The following ARHGAP26 variants were observed in gnomAD, a reference collection of about 807,000 sequenced individuals.
ARHGAP26 encodes rho GTPase-activating protein 26.
ARHGAP26 carries 38 observed loss-of-function variants against 104.8 expected under a neutral mutation model. The observed-to-expected ratio is 0.36, with a 90% CI of 0.28 to 0.48. The LOEUF is 0.48. Ranked by LOEUF, ARHGAP26 falls within the 20% of genes least tolerant of loss-of-function variation. The probability of loss-of-function intolerance (pLI) is 0.99; values close to 1 mark genes in which losing one functional copy is unlikely to be tolerated. For synonymous variants in ARHGAP26, 341 were observed against 340.0 expected (o/e 1.00, Z -0.03); for missense variants, 704 against 947.9 (o/e 0.74, Z 3.38).
chr5:142,815,334 C>T (rs549792275), intron 1 of ARHGAP26, among the ~76,000 whole-genome samples: 4 of 152,314 alleles, frequency 2.6e-5, no homozygotes, highest in South Asian at 4.1e-4. Flanking sequence ...AACCACCATG[C>T]CTGGCCAGAA....
rs1333826585 is a variant in ARHGAP26 at position 143,228,376 on chromosome 5, A to C, written c.*5930A>C. On this transcript the variant is annotated 3_prime_UTR_variant, in exon 23 of 23. Coordinates refer to ENST00000645722, the MANE Select transcript of ARHGAP26 (RefSeq NM_001135608.3). ...GGAGGTTGAGAATTAGAGACACAAG[A>C]GAGGCTGTGGATGGCCTATTAAAAT... 1 of 222,684 alleles carries C rather than the reference A, an allele frequency of 4.5e-6. No individual in the cohort carries two copies. The highest frequency in any genetic ancestry group is 2.2e-5 in the African/African-American group (1 of 44,774). The allele number at this position is 222,684 out of a possible 1,614,324, so 13.8% of individuals were successfully genotyped here.
intron 20 of ARHGAP26, chr5:143,170,652 A>G (rs1289198434): frequency 2.0e-5 from 3 of 152,248 alleles, no homozygotes; most frequent in Non-Finnish European, 2.9e-5. Context: ...TTTAATCAAC[A>G]TAATGCCGGA....
chr5:143,105,490 C>T (rs951417171), intron 17 of ARHGAP26, among the ~76,000 whole-genome samples: 1 of 152,076 alleles, frequency 6.6e-6, no homozygotes, highest in Non-Finnish European at 1.5e-5. Flanking sequence ...TCTGTCTTAA[C>T]GAAGATAGAA....
chr5:143,083,295 G>C (rs150649118), intron 17 of ARHGAP26, among the ~76,000 whole-genome samples: 3 of 152,078 alleles, frequency 2.0e-5, no homozygotes, highest in Non-Finnish European at 4.4e-5. Flanking sequence ...CGCAGTAACC[G>C]GCCTAATGAT....
chr5:142,884,653 A>G (rs1409918234), intron 4 of ARHGAP26, among the ~76,000 whole-genome samples: 6 of 152,228 alleles, frequency 3.9e-5, no homozygotes, highest in African/African-American at 1.4e-4. Flanking sequence ...AATTATGCCA[A>G]ACGCTATCCT....
chr5:142,986,206 G>C (rs1047195611), intron 11 of ARHGAP26, among the ~76,000 whole-genome samples: 8 of 152,120 alleles, frequency 5.3e-5, no homozygotes, highest in Admixed American at 2.6e-4. Context: ...ATTCTAACTG[G>C]TGTGAGATGG....
intron 17 of ARHGAP26, among the ~76,000 whole-genome samples, chr5:143,115,311 C>T (rs1471830097): frequency 2.6e-5 from 4 of 151,132 alleles, no homozygotes; most frequent in Non-Finnish European, 4.4e-5. Flanking sequence ...CCAGCCTGCA[C>T]GACAAGAGTG....
chr5:143,179,867 A>G (rs547675768), intron 20 of ARHGAP26, among the ~76,000 whole-genome samples: 1 of 152,108 alleles, frequency 6.6e-6, no homozygotes. Flanking sequence ...ACCCACTGAC[A>G]CTGCCTCTCA....
chr5:142,969,374 A>T (rs1196530476), intron 11 of ARHGAP26: 1 of 152,178 alleles, frequency 6.6e-6, no homozygotes, highest in Non-Finnish European at 1.5e-5. Flanking sequence ...TCTTGGCAGG[A>T]TGAAGATGAA....
intron 1 of ARHGAP26, among the ~76,000 whole-genome samples, chr5:142,840,123 T>A (rs548582504): frequency 6.6e-6 from 1 of 152,186 alleles, no homozygotes; most frequent in Non-Finnish European, 1.5e-5. Flanking sequence ...ATATAGAATC[T>A]GCCACACGTT....
At chr5:143,100,686 T>TTCC (rs1349675575) in intron 17 of ARHGAP26, among the ~76,000 whole-genome samples, 1 of 152,214 alleles carries the variant, frequency 6.6e-6, no homozygotes, top group Non-Finnish European at 1.5e-5. Context: ...TCTGCTGGCT[T>TTCC]TGTGGGCAGG....
In ARHGAP26 at chr5:142,840,005, A is replaced by AG. The variant is rs549028525; in HGVS notation, c.155-33393dup. Reference sequence around the variant, plus strand: ...TTGAGGCAGTTGCAGTGGTCCAGCTAGGTTCAAGGGAATATAGACCCCACT... The same window carrying AG: ...TTGAGGCAGTTGCAGTGGTCCAGCTAGGGTTCAAGGGAATATAGACCCCACT... On this transcript the variant is annotated intron_variant, in intron 1 of 22. Coordinates refer to ENST00000645722, the MANE Select transcript of ARHGAP26 (RefSeq NM_001135608.3). Among the ~76,000 whole-genome samples the AG allele has an allele frequency of 2.5e-3, 374 of 152,246 alleles. 3 individuals are homozygous for AG. The highest frequency in any genetic ancestry group is 8.5e-3 in the African/African-American group (354 of 41,536).
At chr5:142,851,835 C>T (rs947722981) in intron 1 of ARHGAP26, among the ~76,000 whole-genome samples, 11 of 152,198 alleles carry the variant, frequency 7.2e-5, no homozygotes, top group Non-Finnish European at 1.6e-4. Flanking sequence ...GTCAGGTTGA[C>T]TTTATTTCTG....
intron 11 of ARHGAP26, among the ~76,000 whole-genome samples, chr5:142,965,330 C>G (rs1771134944): frequency 6.6e-6 from 1 of 152,176 alleles, no homozygotes; most frequent in African/African-American, 2.4e-5. Flanking sequence ...TCTAAACTCC[C>G]CCAGGGAAAA....
chr5:143,195,182 G>C (rs140288221), intron 20 of ARHGAP26, among the ~76,000 whole-genome samples: 28 of 152,274 alleles, frequency 1.8e-4, no homozygotes, highest in African/African-American at 6.5e-4. Flanking sequence ...CCGGACCAAG[G>C]TTCGTGCATT....
intron 20 of ARHGAP26, among the ~76,000 whole-genome samples, chr5:143,183,325 G>A (rs1447730292): frequency 6.6e-6 from 1 of 152,164 alleles, no homozygotes; most frequent in African/African-American, 2.4e-5. Flanking sequence ...CTGTGAAATG[G>A]GGCTAATGGT....
At position 143,096,622 on chromosome 5, in the gene ARHGAP26, G is replaced by A. The variant is rs73300582; in HGVS notation, c.1539-24366G>A. Among the ~76,000 whole-genome samples the A allele has an allele frequency of 5.2e-3, 787 of 151,948 alleles. 5 individuals are homozygous for A. Among genetic ancestry groups the A allele is most frequent in the African/African-American group, 0.018 (744 of 41,444 alleles). ...CCTCCTTCGTTATTATATAAAAGGT[G>A]TGCTAAAGGGTCAGGATTAAATAAA... On this transcript the variant is annotated intron_variant, in intron 17 of 22. Coordinates refer to ENST00000645722, the MANE Select transcript of ARHGAP26 (RefSeq NM_001135608.3).
chr5:142,967,116 AT>A (rs1188815361), intron 11 of ARHGAP26, among the ~76,000 whole-genome samples: 1 of 151,998 alleles, frequency 6.6e-6, no homozygotes, highest in Non-Finnish European at 1.5e-5. Context: ...AGGATGGCAA[AT>A]TTTTTTTAAG....
Position 143,227,223 on chromosome 5 carries a change from C to A in ARHGAP26, c.*4777C>A. On this transcript the variant is annotated 3_prime_UTR_variant, in exon 23 of 23. Coordinates refer to ENST00000645722, the MANE Select transcript of ARHGAP26 (RefSeq NM_001135608.3). The stretch of plus-strand genomic sequence containing the variant: ...CAAGTACTGAATGTTTTGTGAGCAA[C>A]CATGTTCCCCAAGTAGGTAGCCAGC... 1 of 229,708 alleles carries A rather than the reference C, an allele frequency of 4.4e-6. No homozygotes were observed. Among genetic ancestry groups the A allele is most frequent in the East Asian group, 6.2e-5 (1 of 16,054 alleles). The allele number at this position is 229,708 out of a possible 1,614,324, so 14.2% of individuals were successfully genotyped here.
Sources: allele counts gnomAD v4.1 joint callset (sites outside exome capture counted in the v4.1 genomes callset), GRCh38; gene constraint gnomAD v4.1.1; transcripts MANE v1.5; gene names NCBI Gene and HGNC (gene_info 2026-07-23, HGNC 2026-07-21).